NLRP5: variants seen among roughly 807,000 people sequenced by gnomAD.
NLRP5 encodes the protein NLR family pyrin domain containing 5, also known as NACHT, LRR and PYD domains-containing protein 5.
A neutral mutation model predicts 113.1 loss-of-function variants in NLRP5; 93 were observed. The observed-to-expected ratio is 0.82, with a 90% CI of 0.70 to 0.98. The LOEUF is 0.98. Ranked by LOEUF, NLRP5 falls within the 50% of genes least tolerant of loss-of-function variation. NLRP5 has a pLI of 0.00. For synonymous variants in NLRP5, 751 were observed against 600.7 expected (o/e 1.25, Z -3.66); for missense variants, 1,808 against 1,514.3 (o/e 1.19, Z -3.22).
upstream of NLRP5, among the ~76,000 whole-genome samples, chr19:55,995,461 G>T (rs950839869): frequency 2.6e-5 from 4 of 152,090 alleles, no homozygotes; most frequent in Admixed American, 2.0e-4. Context: ...TATTCTGTTG[G>T]TCTATGTCTG....
intron 7 of NLRP5, among the ~76,000 whole-genome samples, chr19:56,031,843 G>A (rs1366794288): frequency 6.6e-6 from 1 of 152,116 alleles, no homozygotes; most frequent in Non-Finnish European, 1.5e-5. Flanking sequence ...TTCCAGATCT[G>A]AGCTATTATG....
rs1400904663 is a variant in NLRP5 at position 56,003,986 on chromosome 19, C to A, written c.333C>A (p.Leu111=). The change falls in exon 2 of 15, where the codon CTC becomes CTA. Residue 111 remains leucine, a synonymous_variant. Coordinates refer to ENST00000390649, the MANE Select transcript of NLRP5 (RefSeq NM_153447.4). ...ATGCCAACGTGGAATGTCTGGCACTCCTCTTGCATGAGTATTATGGAGCAT... is the reference window on the plus strand; with the variant it reads ...ATGCCAACGTGGAATGTCTGGCACTACTCTTGCATGAGTATTATGGAGCAT... The A allele has an allele frequency of 6.2e-7, 1 of 1,613,994 alleles. No individual in the cohort carries two copies. The highest frequency in any genetic ancestry group is 2.2e-5 in the East Asian group (1 of 44,880).
At chr19:56,044,883 C>A (rs564947877) in intron 11 of NLRP5, among the ~76,000 whole-genome samples, 1 of 152,286 alleles carries the variant, frequency 6.6e-6, no homozygotes, top group South Asian at 2.1e-4. Context: ...TGATTTCTTT[C>A]AGCAATGTTT....
At position 56,043,628 on chromosome 19, in the gene NLRP5, T is replaced by C. The variant is rs565239986; in HGVS notation, c.2957+2536T>C. Among the ~76,000 whole-genome samples the C allele has an allele frequency of 2.1e-4, 30 of 140,722 alleles. No homozygotes were observed. The East Asian group carries it at 2.6e-3, about 12-fold the overall frequency. The allele number at this position is 140,722 out of a possible 152,430, so 92.3% of individuals were successfully genotyped here. A position where few individuals can be genotyped will look rare whatever the true frequency, so the allele number is the denominator to read the frequency against. ...TCGCCCAGGCTGCAGTGCAGTGGCG[T>C]GATCTCCGGTCACTGCAAGCTCTGC... On this transcript the variant is annotated intron_variant, in intron 11 of 14. Transcript: ENST00000390649.
upstream of NLRP5, among the ~76,000 whole-genome samples, chr19:55,996,780 G>A (rs553653876): frequency 2.0e-5 from 3 of 152,246 alleles, no homozygotes; most frequent in African/African-American, 7.2e-5. Context: ...ATTGTGAATA[G>A]TGCCACAATA....
At chr19:55,999,641 C>T (rs913223879), upstream of NLRP5, 15 of 1,027,956 alleles carry the variant, frequency 1.5e-5, no homozygotes, top group Middle Eastern at 4.1e-4. Flanking sequence ...CACAGTAACC[C>T]TTGAAGAGGC....
rs575376266 is a variant in NLRP5 at position 56,017,051 on chromosome 19, C to T, written c.565+1253C>T. Among the ~76,000 whole-genome samples the T allele has an allele frequency of 2.9e-4, 44 of 152,290 alleles. No individual in the cohort carries two copies. In the South Asian group the frequency reaches 8.9e-3, roughly 31 times the overall value. Reference sequence around the variant, plus strand: ...CTCAGTCTCTTGACCTCGTGATCCGCCCGCCTCGGCCTCCCAAAGTGCTGG... The same window carrying T: ...CTCAGTCTCTTGACCTCGTGATCCGTCCGCCTCGGCCTCCCAAAGTGCTGG... On this transcript the variant is annotated intron_variant, in intron 4 of 14. Coordinates refer to ENST00000390649, the MANE Select transcript of NLRP5 (RefSeq NM_153447.4).
the NLRP5 span, among the ~76,000 whole-genome samples, chr19:55,986,794 C>T: frequency 2.6e-5 from 4 of 151,992 alleles, no homozygotes; most frequent in South Asian, 4.2e-4. Context: ...AGAGCTGGAC[C>T]TGCTCTTGGT....
chr19:55,994,697 G>A, the NLRP5 span, among the ~76,000 whole-genome samples: 1 of 152,186 alleles, frequency 6.6e-6, no homozygotes, highest in Non-Finnish European at 1.5e-5. Context: ...TGCCCAGCCA[G>A]GTTGTCTCTT....
chr19:56,028,187 C>T lies in NLRP5; in HGVS notation c.1954C>T (p.Leu652=). The T allele has an allele frequency of 6.2e-7, 1 of 1,613,998 alleles. No individual in the cohort carries two copies. The highest frequency in any genetic ancestry group is 2.2e-5 in the East Asian group (1 of 44,878). The stretch of plus-strand genomic sequence containing the variant: ...AGACGTAAGGAGGCCACTGGAGGTC[C>T]TGCTGGGCTGTCCCGTTCCCCTGGG... Residue 652 remains leucine, a synonymous_variant, in exon 7 of 15, where the codon CTG becomes TTG. Coordinates refer to ENST00000390649, the MANE Select transcript of NLRP5 (RefSeq NM_153447.4).
Position 56,027,130 on chromosome 19 carries a change from C to T in NLRP5, c.897C>T (p.Ile299=), listed in dbSNP as rs45596339. 3.6e-4 allele frequency: 567 copies of T among 1,594,180 alleles called. 7 individuals carry two copies. In the African/African-American group the frequency reaches 4.5e-3, roughly 13 times the overall value. ...GGAAATCGGCTCTAGCCAGAAGGAT[C>T]GTGCTGTGCTGGGCGCAAGGTGGAC... Residue 299 remains isoleucine (I), a synonymous_variant, in exon 7 of 15, where the codon ATC becomes ATT. Coordinates refer to ENST00000390649, the MANE Select transcript of NLRP5 (RefSeq NM_153447.4).
chr19:56,009,339 C>CAAAAAAAAAAAAAA lies in NLRP5; in HGVS notation c.508+493_508+506dup, dbSNP rs71296979. 2.2e-3 allele frequency among the ~76,000 whole-genome samples: 98 copies of CAAAAAAAAAAAAAA among 44,306 alleles called. 14 individuals carry two copies. The highest frequency in any genetic ancestry group is 5.8e-3 in the African/African-American group (67 of 11,526). 29.1% of individuals were successfully genotyped at this position (44,306 alleles called of 152,430 possible). On this transcript the variant is annotated intron_variant, in intron 3 of 14. Transcript: ENST00000390649. ...TGGGCGACAGAACGAGACTCCATCT[C>CAAAAAAAAAAAAAA]AAAAAAAAAAAAAAAAAAAAGAGTT...
Position 56,009,339 on chromosome 19 carries a change from CAA to C in NLRP5, c.508+505_508+506del, listed in dbSNP as rs71296979. Reference sequence around the variant, plus strand: ...TGGGCGACAGAACGAGACTCCATCTCAAAAAAAAAAAAAAAAAAAAGAGTTCT... The same window carrying C: ...TGGGCGACAGAACGAGACTCCATCTCAAAAAAAAAAAAAAAAAAGAGTTCT... On this transcript the variant is annotated intron_variant, in intron 3 of 14. Coordinates refer to ENST00000390649, the MANE Select transcript of NLRP5 (RefSeq NM_153447.4). Among the ~76,000 whole-genome samples, 15 of 44,316 alleles carry C rather than the reference CAA, an allele frequency of 3.4e-4. 1 individual carries two copies. The highest frequency in any genetic ancestry group is 7.5e-4 in the Admixed American group (2 of 2,652). 29.1% of individuals were successfully genotyped at this position (44,316 alleles called of 152,430 possible). A position where few individuals can be genotyped will look rare whatever the true frequency, so the allele number is the denominator to read the frequency against.
chr19:56,003,773 C>G lies in NLRP5; in HGVS notation c.120C>G (p.Phe40Leu), dbSNP rs369527947. ...CTATATTACCAAAGAATCCACTTTTCCCCCAAAACCTGAGCTCTCAGCCTT... is the reference window on the plus strand; with the variant it reads ...CTATATTACCAAAGAATCCACTTTTGCCCCAAAACCTGAGCTCTCAGCCTT... Residue 40 changes from phenylalanine to leucine, a missense_variant, in exon 2 of 15, where the codon TTC becomes TTG. Phe to Leu is a conservative substitution (Grantham distance 22). Coordinates refer to ENST00000390649, the MANE Select transcript of NLRP5 (RefSeq NM_153447.4). 1 of 1,613,546 alleles carries G rather than the reference C, an allele frequency of 6.2e-7. No homozygotes were observed. Among genetic ancestry groups the G allele is most frequent in the South Asian group, 1.1e-5 (1 of 91,028 alleles).
chr19:56,033,422 T>C, intron 8 of NLRP5, 120 bp from the exon 9 acceptor site: 1 of 781,774 alleles, frequency 1.3e-6, no homozygotes, highest in Non-Finnish European at 2.1e-6. Flanking sequence ...TTCGTTGTTT[T>C]AAAAGGAAAT....
intron 6 of NLRP5, among the ~76,000 whole-genome samples, chr19:56,024,796 G>C (rs1231559898): frequency 2.6e-5 from 4 of 151,846 alleles, no homozygotes; most frequent in Non-Finnish European, 5.9e-5. Flanking sequence ...AAACTGAACA[G>C]CAGCTTGTAT....
chr19:55,992,964 C>T, the NLRP5 span, among the ~76,000 whole-genome samples: 2 of 151,810 alleles, frequency 1.3e-5, no homozygotes, highest in Admixed American at 1.3e-4. Context: ...ATTCTCCTGC[C>T]TCAGCCTCTT....
At chr19:56,040,324 G>A (rs969256049) in intron 10 of NLRP5, among the ~76,000 whole-genome samples, 1 of 152,328 alleles carries the variant, frequency 6.6e-6, no homozygotes, top group African/African-American at 2.4e-5. Context: ...GGGAGGCTGA[G>A]GCAGGCAGAT....
chr19:56,011,474 G>A (rs1982189014), intron 3 of NLRP5, among the ~76,000 whole-genome samples: 1 of 152,082 alleles, frequency 6.6e-6, no homozygotes, highest in Admixed American at 6.6e-5. Context: ...TGGGTGAATT[G>A]TATGATTTGT....
Sources: gnomAD v4.1 joint callset for allele counts (sites outside exome capture counted in the v4.1 genomes callset) on GRCh38, gnomAD v4.1.1 for gene constraint, MANE v1.5 for transcripts, NCBI Gene and HGNC (gene_info 2026-07-23, HGNC 2026-07-21) for gene names.